The following BTBD3 variants were observed in gnomAD, a reference collection of about 807,000 sequenced individuals.
BTBD3 encodes BTB domain containing 3.
Under a neutral mutation model 41.6 loss-of-function variants are expected in BTBD3, and 14 were observed. The observed-to-expected ratio is 0.34, with a 90% CI of 0.22 to 0.53. The LOEUF is 0.53. Ranked by LOEUF, BTBD3 falls within the 20% of genes least tolerant of loss-of-function variation. The pLI, the probability that BTBD3 is intolerant of heterozygous loss-of-function variation, is 0.95. For synonymous variants in BTBD3, 249 were observed against 233.7 expected, an observed-to-expected ratio of 1.07 and a Z score of -0.60; for missense variants, 426 against 654.7, an observed-to-expected ratio of 0.65 and a Z score of 3.81.
chr20:11,917,052 A>T (rs573206088), upstream of BTBD3, among the ~76,000 whole-genome samples: 17 of 152,244 alleles, frequency 1.1e-4, no homozygotes, highest in African/African-American at 3.6e-4. Flanking sequence ...TAGCCTTGTT[A>T]TTTGTTCTGT....
At chr20:11,922,572 T>TCATTTTGTGAAA in intron 3 of BTBD3, 62 bp from the exon 4 acceptor site, 1 of 1,472,846 alleles carries the variant, frequency 6.8e-7, no homozygotes, top group East Asian at 2.3e-5. Flanking sequence ...TGGTTGTATC[T>TCATTTTGTGAAA]TTTCTTGCTG....
In BTBD3 at chr20:11,923,425, T is replaced by C; in HGVS notation, c.1328T>C (p.Phe443Ser). Residue 443 changes from phenylalanine (F) to serine (S), a missense_variant, in exon 4 of 4, where the codon TTC (phenylalanine) becomes TCC (serine). By Grantham distance (155) the Phe-to-Ser change is radical. This residue lies in a region of BTBD3 where 321 missense variants were observed against 534.8 expected (regional missense o/e 0.60). Coordinates refer to ENST00000378226, the MANE Select transcript of BTBD3 (RefSeq NM_014962.4). This position sits in a 1 kb window ranked among gnomAD's most constrained non-coding sequence, Gnocchi z 5.3. The stretch of plus-strand genomic sequence containing the variant: ...CTGGGGCAGAACTTGAGCAAGTACT[T>C]CTCAGATGGGTCCAGCAATACCTTT... Reference protein sequence around the residue: ...VVLGQNLSKYFSDGSSNTFPV... With the variant: ...VVLGQNLSKYSSDGSSNTFPV... 6.2e-7 allele frequency: 1 copy of C among 1,614,188 alleles called. No homozygotes were observed. Among genetic ancestry groups the C allele is most frequent in the Non-Finnish European group, 8.5e-7 (1 of 1,180,024 alleles).
chr20:11,904,116 C>T (rs974569362), intron 1 of BTBD3, among the ~76,000 whole-genome samples: 1 of 152,056 alleles, frequency 6.6e-6, no homozygotes, highest in Non-Finnish European at 1.5e-5. Flanking sequence ...TGTATGAGTC[C>T]GTTCTAACAC....
chr20:11,913,546 G>C (rs909496241), upstream of BTBD3: 1 of 152,214 alleles, frequency 6.6e-6, no homozygotes, highest in Admixed American at 6.5e-5. Context: ...ATTACTGTGA[G>C]TGAATATTAG....
Position 11,923,394 on chromosome 20 carries a change from G to A in BTBD3, c.1297G>A (p.Val433Ile), listed in dbSNP as rs149470256. 29 of 1,614,110 alleles carry A rather than the reference G, an allele frequency of 1.8e-5. No homozygotes were observed. Among genetic ancestry groups the A allele is most frequent in the African/African-American group, 5.3e-5 (4 of 74,936 alleles). Residue 433 changes from valine (V) to isoleucine (I), a missense_variant, in exon 4 of 4, where the codon GTT (valine) becomes ATT (isoleucine). By Grantham distance (29) the Val-to-Ile change is conservative. Around this residue, in one of 3 missense-constraint regions of BTBD3, gnomAD observed 321 missense variants for 534.8 expected, o/e 0.60. Transcript: ENST00000378226. The surrounding 1 kb of genome is among the most constrained non-coding windows in gnomAD (Gnocchi z 5.3). ...CAAGATTGAACTTAAGCGGCAGGGC[G>A]TTGTCCTGGGGCAGAACTTGAGCAA... ...SAKIELKRQG[V>I]VLGQNLSKYF...
chr20:11,903,478 A>C (rs1358701891), intron 1 of BTBD3, among the ~76,000 whole-genome samples: 1 of 152,090 alleles, frequency 6.6e-6, no homozygotes, highest in Non-Finnish European at 1.5e-5. Flanking sequence ...TTTTTTTCTT[A>C]ATGTCTTCAA....
chr20:11,899,818 A>C (rs1360889909), intron 1 of BTBD3, among the ~76,000 whole-genome samples: 1 of 152,238 alleles, frequency 6.6e-6, no homozygotes, highest in Non-Finnish European at 1.5e-5. Context: ...CTGTGCAAGC[A>C]AGTGCTGTGA....
intron 1 of BTBD3, among the ~76,000 whole-genome samples, chr20:11,912,066 C>G (rs949452166): frequency 6.6e-6 from 1 of 152,074 alleles, no homozygotes; most frequent in Non-Finnish European, 1.5e-5. Context: ...TCAAGGTTAA[C>G]TGGAGCTCTG....
chr20:11,918,025 C>T lies in BTBD3; in HGVS notation c.-251C>T. 1 of 1,226,462 alleles carries T rather than the reference C, an allele frequency of 8.2e-7. No homozygotes were observed. Among genetic ancestry groups the T allele is most frequent in the Non-Finnish European group, 1.0e-6 (1 of 983,918 alleles). The allele number at this position is 1,226,462 out of a possible 1,614,324, so 76.0% of individuals were successfully genotyped here. A position where few individuals can be genotyped will look rare whatever the true frequency, so the allele number is the denominator to read the frequency against. ...TAGCATTTTCAGGTGATCTAGGAAA[C>T]AGTTATTTTTATGAGCAAATAAGAG... On this transcript the variant is annotated 5_prime_UTR_variant, in exon 1 of 4. Transcript: ENST00000378226.
chr20:11,919,650 T>A lies in BTBD3; in HGVS notation c.418-68T>A, dbSNP rs1293464855. 2.0e-6 allele frequency: 3 copies of A among 1,499,350 alleles called. No individual in the cohort carries two copies. In the East Asian group the frequency reaches 6.8e-5, roughly 34 times the overall value. 92.9% of individuals were successfully genotyped at this position (1,499,350 alleles called of 1,614,324 possible). On this transcript the variant is annotated intron_variant, in intron 2 of 3. Transcript: ENST00000378226. ...CTAAACCTGATTGCCTAGTGTTGTTTTTCTGCATTGATTTGCTGGAAATGC... is the reference window on the plus strand; with the variant it reads ...CTAAACCTGATTGCCTAGTGTTGTTATTCTGCATTGATTTGCTGGAAATGC...
chr20:11,915,737 T>C (rs1883792), upstream of BTBD3, among the ~76,000 whole-genome samples: 108,649 of 152,050 alleles, frequency 0.71, 39,215 homozygotes, highest in Non-Finnish European at 0.76. Context: ...AATAATGCCC[T>C]TCTTTGTAGC....
At position 11,907,076 on chromosome 20, in the gene BTBD3, C is replaced by T. The variant is rs568351819; in HGVS notation, c.-125-11258C>T. On this transcript the variant is annotated intron_variant, in intron 1 of 4. Coordinates refer to the BTBD3 transcript ENST00000254977. ...AATATGCCAGGCCATGAGTTGAGGC[C>T]GGTTGATAAAGGCAGCTTTGTCCTG... Among the ~76,000 whole-genome samples the T allele has an allele frequency of 1.6e-4, 25 of 152,186 alleles. No homozygotes were observed. In the South Asian group the frequency reaches 1.9e-3, roughly 11 times the overall value.
chr20:11,909,046 G>A (rs913291156), intron 1 of BTBD3, among the ~76,000 whole-genome samples: 8 of 152,032 alleles, frequency 5.3e-5, no homozygotes, highest in South Asian at 2.1e-4. Flanking sequence ...TCAGGAGTTC[G>A]GGTGGATCAC....
Position 11,918,445 on chromosome 20 carries a change from C to T in BTBD3, c.170C>T (p.Thr57Ile). Residue 57 changes from threonine to isoleucine, a missense_variant, in exon 1 of 4, where the codon ACT (threonine) becomes ATT (isoleucine). Physicochemically the swap from Thr to Ile is moderately conservative, Grantham distance 89. Coordinates refer to ENST00000378226, the MANE Select transcript of BTBD3 (RefSeq NM_014962.4). ...TGTTATGAAATAATTACCTTGAAGA[C>T]TAAAAAGAAGAAGATGGCTGCTGAT... is the stretch of plus-strand genomic sequence containing the variant. ...PVCYEIITLKTKKKKMAADIF... is the reference protein window; with the variant it reads ...PVCYEIITLKIKKKKMAADIF... 6.2e-7 allele frequency: 1 copy of T among 1,614,104 alleles called. No homozygotes were observed. The highest frequency in any genetic ancestry group is 1.1e-5 in the South Asian group (1 of 91,086).
chr20:11,897,240 A>G (rs2056792359), intron 1 of BTBD3, among the ~76,000 whole-genome samples: 1 of 152,142 alleles, frequency 6.6e-6, no homozygotes, highest in Non-Finnish European at 1.5e-5. Context: ...TCCTAAATGT[A>G]TATTTCCACC....
upstream of BTBD3, among the ~76,000 whole-genome samples, chr20:11,913,893 G>C (rs2056903519): frequency 1.3e-5 from 2 of 152,188 alleles, no homozygotes; most frequent in African/African-American, 4.8e-5. Context: ...CAGTGATTCA[G>C]CTTTCTGGCA....
At position 11,894,578 on chromosome 20, in the gene BTBD3, T is replaced by A. The variant is rs561225604; in HGVS notation, c.-126+3624T>A. Among the ~76,000 whole-genome samples the A allele has an allele frequency of 6.6e-5, 10 of 152,298 alleles. No individual in the cohort carries two copies. In the South Asian group the frequency reaches 1.9e-3, roughly 28 times the overall value. On this transcript the variant is annotated intron_variant, in intron 1 of 4. Coordinates refer to the BTBD3 transcript ENST00000254977. ...TACTTTGCCTACTTTAAAGTGGTGATTTAAAAAAATTAAATACCCGTTTTA... is the reference window on the plus strand; with the variant it reads ...TACTTTGCCTACTTTAAAGTGGTGAATTAAAAAAATTAAATACCCGTTTTA...
intron 1 of BTBD3, among the ~76,000 whole-genome samples, chr20:11,895,179 G>T (rs2056779099): frequency 6.6e-6 from 1 of 151,856 alleles, no homozygotes; most frequent in Admixed American, 6.6e-5. Flanking sequence ...TCAGTTTTAG[G>T]TCTTGCTTCT....
Position 11,918,160 on chromosome 20 carries a change from C to A in BTBD3, c.-116C>A. On this transcript the variant is annotated 5_prime_UTR_variant, in exon 1 of 4. Coordinates refer to ENST00000378226, the MANE Select transcript of BTBD3 (RefSeq NM_014962.4). ...GGTCACCTTGCCTGGCTGAGAAAAGCAGCAAAATATCAGCTTTGTTGGTTT... is the reference window on the plus strand; with the variant it reads ...GGTCACCTTGCCTGGCTGAGAAAAGAAGCAAAATATCAGCTTTGTTGGTTT... The A allele has an allele frequency of 6.7e-7, 1 of 1,483,042 alleles. No homozygotes were observed. Among genetic ancestry groups the A allele is most frequent in the Non-Finnish European group, 8.9e-7 (1 of 1,128,414 alleles). The allele number at this position is 1,483,042 out of a possible 1,614,324, so 91.9% of individuals were successfully genotyped here.
Sources: allele counts gnomAD v4.1 joint callset (sites outside exome capture counted in the v4.1 genomes callset), GRCh38; gene constraint gnomAD v4.1.1; regional missense constraint gnomAD v4.1.1; non-coding constraint Gnocchi (gnomAD v3.1); transcripts MANE v1.5; gene names NCBI Gene and HGNC (gene_info 2026-07-23, HGNC 2026-07-21).